The following MUC22 variants were observed in gnomAD, a reference collection of about 807,000 sequenced individuals.
The protein encoded by MUC22 is mucin-22.
In MUC22, 24 loss-of-function variants were observed where a neutral mutation model predicts 40.3. The ratio of observed to expected loss-of-function variants is 0.60; its 90% confidence interval spans 0.43 to 0.84. MUC22 has a LOEUF of 0.84. MUC22 is among the 40% of genes least tolerant of loss of function. The pLI is 0.00. For synonymous variants in MUC22, 765 were observed against 844.5 expected, an observed-to-expected ratio of 0.91 and a Z score of 1.63; for missense variants, 1,926 against 2,130.7, an observed-to-expected ratio of 0.90 and a Z score of 1.89.
In MUC22 at chr6:31,027,583, G is replaced by A. The variant is rs1765534305; in HGVS notation, c.2152G>A (p.Val718Ile). 3 of 1,527,432 alleles carry A rather than the reference G, an allele frequency of 2.0e-6. 1 individual carries two copies. In the African/African-American group the frequency reaches 4.1e-5, roughly 21 times the overall value. The allele number at this position is 1,527,432 out of a possible 1,614,324, so 94.6% of individuals were successfully genotyped here. Residue 718 changes from valine to isoleucine, a missense_variant, in exon 2 of 4, where the codon GTC becomes ATC. Val to Ile is a conservative substitution (Grantham distance 29). Coordinates refer to ENST00000561890, the Ensembl canonical transcript of MUC22. ...TACTGAAGGTTCTGAGACCACTACA[G>A]TCACTACCGCAGGCTCTGAGACCAA...
At chr6:31,020,164 C>T (rs989434084) in intron 1 of MUC22, among the ~76,000 whole-genome samples, 4 of 152,020 alleles carry the variant, frequency 2.6e-5, no homozygotes, top group African/African-American at 7.3e-5. Context: ...CAAAGTACAA[C>T]GTAATCAAAT....
At chr6:31,013,483 C>T (rs978071648) in intron 1 of MUC22, among the ~76,000 whole-genome samples, 1 of 152,082 alleles carries the variant, frequency 6.6e-6, no homozygotes, top group African/African-American at 2.4e-5. Flanking sequence ...TCTCACCTCC[C>T]ACTCACTTGT....
chr6:31,017,879 T>A (rs1236670447), intron 1 of MUC22, among the ~76,000 whole-genome samples: 1 of 152,146 alleles, frequency 6.6e-6, no homozygotes, highest in Non-Finnish European at 1.5e-5. Flanking sequence ...AACTTTGTTC[T>A]TTCACTCTTT....
chr6:31,017,780 G>A (rs1423379378), intron 1 of MUC22, among the ~76,000 whole-genome samples: 1 of 152,236 alleles, frequency 6.6e-6, no homozygotes, highest in Non-Finnish European at 1.5e-5. Context: ...CCAATCAGTA[G>A]GATGTGGGTG....
At chr6:31,028,811 C>T (rs1765703368) in exon 2 of MUC22, 2 of 1,532,830 alleles carry the variant, frequency 1.3e-6, no homozygotes, top group Non-Finnish European at 1.7e-6. Context: ...GAGACCACTA[C>T]AGCCACTACC....
exon 2 of MUC22, chr6:31,027,566 G>T: frequency 6.5e-7 from 1 of 1,527,020 alleles, no homozygotes; most frequent in Non-Finnish European, 8.7e-7. Context: ...TCTACTGAAG[G>T]TTCTGAGACC....
chr6:31,020,949 G>C, intron 1 of MUC22, among the ~76,000 whole-genome samples: 1 of 152,228 alleles, frequency 6.6e-6, no homozygotes, highest in East Asian at 1.9e-4. Context: ...GGCCTTAGCT[G>C]TCTTCCCATG....
chr6:31,028,139 CTG>C lies in MUC22; in HGVS notation c.2709_2710del (p.Glu904AspfsTer10). The C allele has an allele frequency of 6.5e-7, 1 of 1,534,416 alleles. No homozygotes were observed. The highest frequency in any genetic ancestry group is 8.7e-7 in the Non-Finnish European group (1 of 1,146,594). ...ACCACTACAGTCTCCACCACAGACT[CTG>C]AGACCACCATGGTCTCTACCACAGG... On this transcript the variant is annotated frameshift_variant, in exon 2 of 4. Coordinates refer to ENST00000561890, the Ensembl canonical transcript of MUC22. LOFTEE classifies it high-confidence loss of function.
At chr6:31,010,143 C>T (rs1763765096), upstream of MUC22, among the ~76,000 whole-genome samples, 1 of 152,192 alleles carries the variant, frequency 6.6e-6, no homozygotes, top group Non-Finnish European at 1.5e-5. Context: ...CTTCTTCCTT[C>T]TTTCTTCTAC....
rs1283965772 is a variant in MUC22, at chr6:31,032,881, A to G, written c.5055+300A>G. Reference sequence around the variant, plus strand: ...GGACATAAACATAAAGAAAGCAAGAAGCAGCTGGGCGCAGTGGCTCACCCC... The same window carrying G: ...GGACATAAACATAAAGAAAGCAAGAGGCAGCTGGGCGCAGTGGCTCACCCC... On this transcript the variant is annotated intron_variant, in intron 3 of 3. Coordinates refer to ENST00000561890, the Ensembl canonical transcript of MUC22. The surrounding 1 kb of genome is among the most constrained non-coding windows in gnomAD (Gnocchi z 4.1). Among the ~76,000 whole-genome samples the G allele has an allele frequency of 6.6e-6, 1 of 152,134 alleles. No individual in the cohort carries two copies. The highest frequency in any genetic ancestry group is 1.5e-5 in the Non-Finnish European group (1 of 68,018).
At chr6:31,026,253 C>T (rs997480656) in exon 2 of MUC22, 3 of 1,342,208 alleles carry the variant, frequency 2.2e-6, no homozygotes, top group East Asian at 2.6e-5. Context: ...CTACCACAGG[C>T]TCTGAGACCA....
At chr6:31,010,894 T>G in intron 1 of MUC22, 118 bp downstream of exon 1, 1 of 68,038 alleles carries the variant, frequency 1.5e-5, no homozygotes, top group Non-Finnish European at 3.1e-5. Flanking sequence ...ATGATTCATT[T>G]TTTTTTTTTT....
intron 1 of MUC22, among the ~76,000 whole-genome samples, chr6:31,023,782 G>GA (rs1459170281): frequency 1.3e-5 from 2 of 151,944 alleles, no homozygotes; most frequent in African/African-American, 2.4e-5. Flanking sequence ...CATCAATTTA[G>GA]AAAAAAATTG....
chr6:31,013,590 A>T (rs1763997725), intron 1 of MUC22, among the ~76,000 whole-genome samples: 1 of 152,188 alleles, frequency 6.6e-6, no homozygotes, highest in Non-Finnish European at 1.5e-5. Context: ...TCAGCCCCTG[A>T]TTCCCTTGCC....
At chr6:31,017,171 G>A (rs942545731) in intron 1 of MUC22, among the ~76,000 whole-genome samples, 2 of 152,244 alleles carry the variant, frequency 1.3e-5, no homozygotes, top group Non-Finnish European at 1.5e-5. Flanking sequence ...CTGCCCAAGG[G>A]CTGAGGAGTA....
rs771695726 is a variant in MUC22, at chr6:31,032,008, C to A, written c.4670-188C>A. Among the ~76,000 whole-genome samples the A allele has an allele frequency of 1.3e-5, 2 of 152,180 alleles. No individual in the cohort carries two copies. Among genetic ancestry groups the A allele is most frequent in the Non-Finnish European group, 2.9e-5 (2 of 68,034 alleles). On this transcript the variant is annotated intron_variant, in intron 2 of 3. Coordinates refer to ENST00000561890, the Ensembl canonical transcript of MUC22. This position sits in a 1 kb window ranked among gnomAD's most constrained non-coding sequence, Gnocchi z 4.1. ...ATTCTACCTCCTTCTCTGTATGACA[C>A]CCACCTGCATTCTGGGGACATGGCC...
intron 1 of MUC22, among the ~76,000 whole-genome samples, chr6:31,022,159 G>A (rs1764857982): frequency 2.0e-5 from 3 of 152,062 alleles, no homozygotes; most frequent in Admixed American, 1.3e-4. Context: ...CTCCAGACAT[G>A]CCACCTTAAG....
At chr6:31,016,990 C>A (rs1268080494) in intron 1 of MUC22, among the ~76,000 whole-genome samples, 1 of 152,222 alleles carries the variant, frequency 6.6e-6, no homozygotes. Flanking sequence ...GCAGTGCCAG[C>A]GGGTGCTGCG....
rs1763863030 is a variant in MUC22 at position 31,011,412 on chromosome 6, C to T, written c.70+636C>T. Among the ~76,000 whole-genome samples the T allele has an allele frequency of 1.3e-5, 2 of 152,196 alleles. No individual in the cohort carries two copies. The highest frequency in any genetic ancestry group is 2.1e-4 in the South Asian group (1 of 4,832). On this transcript the variant is annotated intron_variant, in intron 1 of 3. Coordinates refer to ENST00000561890, the Ensembl canonical transcript of MUC22. The surrounding 1 kb of genome is among the most constrained non-coding windows in gnomAD (Gnocchi z 4.5). Reference sequence around the variant, plus strand: ...TTCTCATGCGTTTGAGTCCTCACAGCTTAGCTCCCACCTATCAGTGAGAAC... The same window carrying T: ...TTCTCATGCGTTTGAGTCCTCACAGTTTAGCTCCCACCTATCAGTGAGAAC...
Sources: gnomAD v4.1 joint callset for allele counts (sites outside exome capture counted in the v4.1 genomes callset) on GRCh38, gnomAD v4.1.1 for gene constraint, Gnocchi (gnomAD v3.1) non-coding constraint, MANE v1.5 for transcripts, NCBI Gene and HGNC (gene_info 2026-07-23, HGNC 2026-07-21) for gene names.